Variants in AKAP6 observed in about 807,000 individuals in gnomAD.
The protein encoded by AKAP6 is A-kinase anchoring protein 6.
Under a neutral mutation model 188.5 loss-of-function variants are expected in AKAP6, and 58 were observed. The observed-to-expected ratio is 0.31, with a 90% confidence interval of 0.25 to 0.38. The LOEUF (loss-of-function observed/expected upper bound fraction) is 0.38. Ranked by LOEUF, AKAP6 falls within the 10% of genes least tolerant of loss-of-function variation. The pLI is 1.00. For synonymous variants in AKAP6, 989 were observed against 998.6 expected (o/e 0.99, Z 0.18); for missense variants, 2,710 against 2,740.0 (o/e 0.99, Z 0.24).
chr14:32,550,170 C>G (rs1316461581), intron 4 of AKAP6, among the ~76,000 whole-genome samples: 1 of 152,190 alleles, frequency 6.6e-6, no homozygotes, highest in East Asian at 1.9e-4. Context: ...TACCAACTTC[C>G]AATTTGATTC....
Position 32,773,905 on chromosome 14 carries a change from T to G in AKAP6, c.3588+12T>G. ...TGGGAAAGGAATCTGTGAGTGATGC[T>G]TTTTTTAAGCATAATTGTCTGTCAT... is the stretch of plus-strand genomic sequence containing the variant. On this transcript the variant is annotated intron_variant, in intron 12 of 13. Coordinates refer to ENST00000280979, the MANE Select transcript of AKAP6 (RefSeq NM_004274.5). 1.2e-6 allele frequency: 2 copies of G among 1,608,408 alleles called. No individual in the cohort carries two copies. The highest frequency in any genetic ancestry group is 1.7e-6 in the Non-Finnish European group (2 of 1,175,076).
In AKAP6 at chr14:32,833,157, C is replaced by G. The variant is rs2034838852; in HGVS notation, c.*3352C>G. On this transcript the variant is annotated 3_prime_UTR_variant, in exon 14 of 14. Coordinates refer to ENST00000280979, the MANE Select transcript of AKAP6 (RefSeq NM_004274.5). ...CTAACCTGTTTCCAAGTAGGGCACT[C>G]CCTCCGCTTATTTATTCATTTATTC... 6.6e-6 allele frequency: 1 copy of G among 152,172 alleles called. No homozygotes were observed. Among genetic ancestry groups the G allele is most frequent in the Admixed American group, 6.5e-5 (1 of 15,278 alleles). 9.4% of individuals were successfully genotyped at this position (152,172 alleles called of 1,614,324 possible). A position where few individuals can be genotyped will look rare whatever the true frequency, so the allele number is the denominator to read the frequency against.
At chr14:32,712,645 A>G (rs1395353929) in intron 9 of AKAP6, among the ~76,000 whole-genome samples, 1 of 152,108 alleles carries the variant, frequency 6.6e-6, no homozygotes, top group Non-Finnish European at 1.5e-5. Flanking sequence ...TCAAGAAACT[A>G]CTATCTTTGC....
At chr14:32,357,781 A>T (rs10135545) in intron 1 of AKAP6, among the ~76,000 whole-genome samples, 29,743 of 152,202 alleles carry the variant, frequency 0.2, 3,078 homozygotes, top group East Asian at 0.37. Flanking sequence ...CTGGAAAGTC[A>T]CACTAATTTG....
chr14:32,480,788 A>G (rs1259149980), intron 2 of AKAP6, among the ~76,000 whole-genome samples: 1 of 152,098 alleles, frequency 6.6e-6, no homozygotes, highest in African/African-American at 2.4e-5. Context: ...TTGGGCCTTC[A>G]TTTCTGCCCA....
chr14:32,802,112 T>C (rs2033966658), intron 12 of AKAP6, among the ~76,000 whole-genome samples: 1 of 152,236 alleles, frequency 6.6e-6, no homozygotes, highest in Non-Finnish European at 1.5e-5. Context: ...ATTATATGTA[T>C]GTTATACCAT....
intron 9 of AKAP6, chr14:32,726,171 C>T (rs2030863063): frequency 5.1e-6 from 5 of 983,422 alleles, no homozygotes; most frequent in Non-Finnish European, 6.0e-6. Context: ...ATTACATTTT[C>T]ATTCAGGACA....
chr14:32,742,942 A>T (rs2031741549), intron 11 of AKAP6, among the ~76,000 whole-genome samples: 1 of 152,094 alleles, frequency 6.6e-6, no homozygotes, highest in African/African-American at 2.4e-5. Flanking sequence ...TGTCTAGAAG[A>T]TCTGTCTGAT....
chr14:32,385,405 CTT>C (rs35404788), intron 1 of AKAP6, among the ~76,000 whole-genome samples: 1,492 of 144,438 alleles, frequency 0.01, 21 homozygotes, highest in African/African-American at 0.032. Context: ...ATTTTTATTT[CTT>C]TTTTTTTTTT....
At chr14:32,515,650 A>G (rs866370030) in intron 2 of AKAP6, among the ~76,000 whole-genome samples, 2 of 152,128 alleles carry the variant, frequency 1.3e-5, no homozygotes, top group Non-Finnish European at 2.9e-5. Flanking sequence ...ATCTATGGGG[A>G]TACAGATAAC....
intron 1 of AKAP6, among the ~76,000 whole-genome samples, chr14:32,353,233 C>G (rs573865720): frequency 1.3e-5 from 2 of 152,240 alleles, no homozygotes; most frequent in South Asian, 4.2e-4. Flanking sequence ...CCTCCTTTCT[C>G]TGGGTTTTAT....
chr14:32,657,093 C>T (rs1399860920), intron 7 of AKAP6, among the ~76,000 whole-genome samples: 1 of 152,124 alleles, frequency 6.6e-6, no homozygotes, highest in Admixed American at 6.6e-5. Context: ...CAGGGTACTG[C>T]CCTCAGCGCA....
chr14:32,820,132 C>T (rs1231515332), intron 12 of AKAP6, among the ~76,000 whole-genome samples: 1 of 151,990 alleles, frequency 6.6e-6, no homozygotes, highest in African/African-American at 2.4e-5. Flanking sequence ...CAAGGTCATG[C>T]ATATGGTAAG....
intron 4 of AKAP6, among the ~76,000 whole-genome samples, chr14:32,574,818 CT>C (rs1464324263): frequency 6.6e-6 from 1 of 152,184 alleles, no homozygotes; most frequent in African/African-American, 2.4e-5. Context: ...GCTTTTCTGA[CT>C]AGCATCCACA....
At chr14:32,757,849 G>A (rs1360799273) in intron 11 of AKAP6, among the ~76,000 whole-genome samples, 1 of 152,194 alleles carries the variant, frequency 6.6e-6, no homozygotes, top group Admixed American at 6.5e-5. Flanking sequence ...TTCTCGTGAA[G>A]AGAAGTGAGG....
At chr14:32,540,131 G>GCGCTCT (rs1306141242) in intron 3 of AKAP6, among the ~76,000 whole-genome samples, 5 of 66,478 alleles carry the variant, frequency 7.5e-5, no homozygotes, top group African/African-American at 4.3e-4. Context: ...TTGCTCGTGC[G>GCGCTCT]CTCTCTCTCT....
intron 1 of AKAP6, among the ~76,000 whole-genome samples, chr14:32,364,283 T>C (rs10431652): frequency 0.39 from 59,097 of 152,084 alleles, 12,645 homozygotes; most frequent in African/African-American, 0.58. Flanking sequence ...TTCTGGGATT[T>C]TTCTAGCTAT....
At chr14:32,607,508 A>G (rs1886173522) in intron 7 of AKAP6, among the ~76,000 whole-genome samples, 1 of 152,196 alleles carries the variant, frequency 6.6e-6, no homozygotes, top group Admixed American at 6.5e-5. Context: ...CCTGGCCATT[A>G]TTTATTGAGT....
chr14:32,420,106 A>G lies in AKAP6; in HGVS notation c.-34-13354A>G, dbSNP rs138933473. ...GTTTGCATACAAATAGTTAAATCATATAATTCTGAGGTTTCTTAACATACA... is the reference window on the plus strand; with the variant it reads ...GTTTGCATACAAATAGTTAAATCATGTAATTCTGAGGTTTCTTAACATACA... On this transcript the variant is annotated intron_variant, in intron 1 of 13. Coordinates refer to ENST00000280979, the MANE Select transcript of AKAP6 (RefSeq NM_004274.5). 1.4e-3 allele frequency among the ~76,000 whole-genome samples: 212 copies of G among 152,252 alleles called. 2 individuals are homozygous for G. Among genetic ancestry groups the G allele is most frequent in the Admixed American group, 0.012 (181 of 15,274 alleles).
Sources: gnomAD v4.1 joint callset for allele counts (sites outside exome capture counted in the v4.1 genomes callset) on GRCh38, gnomAD v4.1.1 for gene constraint, MANE v1.5 for transcripts, NCBI Gene and HGNC (gene_info 2026-07-23, HGNC 2026-07-21) for gene names.